The following RYR2 variants were observed in gnomAD, a reference collection of about 807,000 sequenced individuals.
The protein encoded by RYR2 is ryanodine receptor 2.
In RYR2, 227 loss-of-function variants were observed where a neutral mutation model predicts 601.1. The ratio of observed to expected loss-of-function variants is 0.38; its 90% CI spans 0.34 to 0.42. The LOEUF is 0.42. Ranked by LOEUF, RYR2 falls within the 10% of genes least tolerant of loss-of-function variation. RYR2 has a pLI of 1.00. For missense variants in RYR2, 4,646 were observed against 6,156.5 expected (o/e 0.75, Z 8.21); for synonymous variants, 2,223 against 2,175.1 (o/e 1.02, Z -0.61).
rs770119013 is a variant in RYR2, at chr1:237,469,150, G to A, written c.1671G>A (p.Trp557Ter). 6.2e-7 allele frequency: 1 copy of A among 1,605,972 alleles called. No homozygotes were observed. Among genetic ancestry groups the A allele is most frequent in the South Asian group, 1.1e-5 (1 of 90,796 alleles). The change falls in exon 17 of 105, where the codon TGG becomes TGA. Residue 557 changes from tryptophan to a stop codon, truncating the protein, a stop_gained. Coordinates refer to ENST00000366574, the MANE Select transcript of RYR2 (RefSeq NM_001035.3). LOFTEE classifies it high-confidence loss of function. ...NCAQFSGSLDWLISRLERLEA... is the reference protein window; with the variant it reads ...NCAQFSGSLD ...CTCAATTTTCTGGCTCCCTCGACTG[G>A]TTGATCAGCAGATTGGAAAGACTGG...
rs187642586 is a variant in RYR2 at position 237,437,516 on chromosome 1, T to C, written c.1006-3803T>C. 1.0e-3 allele frequency among the ~76,000 whole-genome samples: 158 copies of C among 152,270 alleles called. 1 individual carries two copies. Among genetic ancestry groups the C allele is most frequent in the African/African-American group, 3.6e-3 (148 of 41,558 alleles). On this transcript the variant is annotated intron_variant, in intron 12 of 104. Coordinates refer to ENST00000366574, the MANE Select transcript of RYR2 (RefSeq NM_001035.3). Reference sequence around the variant, plus strand: ...TCAAGGATCTGACATTTGCAGGCTGTTCTGGTCCTGAGGTTATGTGGGGTC... The same window carrying C: ...TCAAGGATCTGACATTTGCAGGCTGCTCTGGTCCTGAGGTTATGTGGGGTC...
intron 12 of RYR2, among the ~76,000 whole-genome samples, chr1:237,428,312 C>T (rs1706414323): frequency 6.6e-6 from 1 of 152,112 alleles, no homozygotes; most frequent in Non-Finnish European, 1.5e-5. Context: ...CTGTTTATTG[C>T]AGCACTATTC....
chr1:237,831,697 AG>A, intron 104 of RYR2, 132 bp downstream of exon 104: 1 of 609,770 alleles, frequency 1.6e-6, no homozygotes, highest in South Asian at 2.1e-5. Context: ...CTTGATGTAA[AG>A]TTCCTGTTAT....
intron 88 of RYR2, 144 bp downstream of exon 88, chr1:237,778,914 G>T (rs535556026): frequency 2.0e-6 from 1 of 507,652 alleles, no homozygotes; most frequent in East Asian, 3.0e-5. Context: ...ATTTTATCAT[G>T]CCTCTTTTGC....
chr1:237,628,581 T>A (rs1244966633), intron 41 of RYR2, among the ~76,000 whole-genome samples: 4 of 152,094 alleles, frequency 2.6e-5, no homozygotes, highest in African/African-American at 9.7e-5. Context: ...TAGTATTCCA[T>A]GGTGTATATG....
intron 2 of RYR2, among the ~76,000 whole-genome samples, chr1:237,294,736 G>A (rs1692587844): frequency 1.3e-5 from 2 of 152,222 alleles, no homozygotes; most frequent in Middle Eastern, 3.4e-3. Flanking sequence ...GTGTATGGTG[G>A]TTTCATTGAT....
At chr1:237,504,789 T>G (rs1280751323) in intron 22 of RYR2, among the ~76,000 whole-genome samples, 1 of 152,148 alleles carries the variant, frequency 6.6e-6, no homozygotes, top group African/African-American at 2.4e-5. Flanking sequence ...TTTTTGGCAC[T>G]AGGTACCGGT....
At position 237,660,894 on chromosome 1, in the gene RYR2, G is replaced by C; in HGVS notation, c.8383G>C (p.Gly2795Arg). Residue 2795 changes from glycine (G) to arginine (R), a missense_variant, in exon 56 of 105, where the codon GGA becomes CGA. Coordinates refer to ENST00000366574, the MANE Select transcript of RYR2 (RefSeq NM_001035.3). The part of the protein sequence containing the change: ...WGWRIERTRE[G>R]DSMALYNRTR... ...CTGGAGAATTGAAAGAACTCGGGAGGGAGACAGCATGGCCCTTTACAACCG... is the reference window on the plus strand; with the variant it reads ...CTGGAGAATTGAAAGAACTCGGGAGCGAGACAGCATGGCCCTTTACAACCG... 6.5e-7 allele frequency: 1 copy of C among 1,535,608 alleles called. No homozygotes were observed. Among genetic ancestry groups the C allele is most frequent in the South Asian group, 1.2e-5 (1 of 80,924 alleles).
chr1:237,442,741 G>A (rs1466796899), intron 13 of RYR2, among the ~76,000 whole-genome samples: 2 of 152,040 alleles, frequency 1.3e-5, no homozygotes, highest in East Asian at 1.9e-4. Flanking sequence ...TGTTCTGGAT[G>A]TGTCTGACTT....
chr1:237,724,147 T>A (rs1573681022), intron 74 of RYR2, among the ~76,000 whole-genome samples: 1 of 148,456 alleles, frequency 6.7e-6, no homozygotes, highest in South Asian at 2.1e-4. Flanking sequence ...CCCTATGCCA[T>A]CTCAGGAACT....
At chr1:237,788,906 CAT>C (rs568045349) in intron 92 of RYR2, among the ~76,000 whole-genome samples, 42 of 152,086 alleles carry the variant, frequency 2.8e-4, no homozygotes, top group African/African-American at 4.8e-4. Context: ...CATGTATACA[CAT>C]ATATGTGTCT....
At chr1:237,377,086 C>T (rs895237674) in intron 7 of RYR2, among the ~76,000 whole-genome samples, 3 of 152,126 alleles carry the variant, frequency 2.0e-5, no homozygotes, top group African/African-American at 7.2e-5. Flanking sequence ...CGCTTTAAAG[C>T]AATTCTTAGT....
chr1:237,712,466 G>A (rs1688926560), intron 71 of RYR2, among the ~76,000 whole-genome samples: 1 of 151,788 alleles, frequency 6.6e-6, no homozygotes, highest in Non-Finnish European at 1.5e-5. Context: ...ACGATGGGAG[G>A]GACTGCTGTC....
chr1:237,291,286 A>C (rs6694083), intron 2 of RYR2, among the ~76,000 whole-genome samples: 76,728 of 151,678 alleles, frequency 0.51, 21,844 homozygotes, highest in Non-Finnish European at 0.62. Context: ...TCAGACAACA[A>C]CCAATGCTGG....
chr1:237,424,533 T>C (rs1705931497), intron 12 of RYR2, among the ~76,000 whole-genome samples: 1 of 152,232 alleles, frequency 6.6e-6, no homozygotes, highest in Non-Finnish European at 1.5e-5. Flanking sequence ...AAGTACCATG[T>C]ATAATATATT....
chr1:237,545,962 G>T (rs1440966902), intron 25 of RYR2, among the ~76,000 whole-genome samples: 1 of 149,770 alleles, frequency 6.7e-6, no homozygotes, highest in Non-Finnish European at 1.5e-5. Flanking sequence ...TTAATGTTTT[G>T]GGTTTTTTTT....
At chr1:237,361,268 CATT>C (rs1699763262) in intron 4 of RYR2, among the ~76,000 whole-genome samples, 1 of 152,170 alleles carries the variant, frequency 6.6e-6, no homozygotes, top group African/African-American at 2.4e-5. Flanking sequence ...TTGGGACTAT[CATT>C]AATTAACTAT....
At chr1:237,673,220 C>T (rs1188170350) in intron 58 of RYR2, among the ~76,000 whole-genome samples, 2 of 152,266 alleles carry the variant, frequency 1.3e-5, no homozygotes, top group South Asian at 2.1e-4. Context: ...ACATGTTTTA[C>T]GAATGTTAGA....
At chr1:237,236,630 C>CA (rs1207325922) in intron 1 of RYR2, among the ~76,000 whole-genome samples, 3 of 152,136 alleles carry the variant, frequency 2.0e-5, no homozygotes, top group African/African-American at 7.2e-5. Flanking sequence ...AAATAAATAA[C>CA]AAAAAACATG....
Sources: allele counts gnomAD v4.1 joint callset (sites outside exome capture counted in the v4.1 genomes callset), GRCh38; gene constraint gnomAD v4.1.1; transcripts MANE v1.5; gene names NCBI Gene and HGNC (gene_info 2026-07-23, HGNC 2026-07-21).